The following NUDC variants were observed in gnomAD, a reference collection of about 807,000 sequenced individuals.
The protein encoded by NUDC is nuclear distribution C, dynein complex regulator.
A neutral mutation model predicts 45.0 loss-of-function variants in NUDC; 14 were observed. The observed-to-expected ratio is 0.31, with a 90% CI of 0.21 to 0.49. The LOEUF is 0.49. NUDC is among the 20% of genes least tolerant of loss of function. The pLI, the probability that NUDC is intolerant of heterozygous loss-of-function variation, is 0.99. For synonymous variants in NUDC, 153 were observed against 156.7 expected (o/e 0.98, Z 0.17); for missense variants, 323 against 426.2 (o/e 0.76, Z 2.13).
chr1:26,921,795 A>T lies in NUDC; in HGVS notation c.-54A>T. 1 of 1,522,108 alleles carries T rather than the reference A, an allele frequency of 6.6e-7. No individual in the cohort carries two copies. Among genetic ancestry groups the T allele is most frequent in the Non-Finnish European group, 8.9e-7 (1 of 1,122,432 alleles). The allele number at this position is 1,522,108 out of a possible 1,614,324, so 94.3% of individuals were successfully genotyped here. On this transcript the variant is annotated 5_prime_UTR_variant, in exon 1 of 9. Coordinates refer to ENST00000321265, the MANE Select transcript of NUDC (RefSeq NM_006600.4). ...GGCCCGGCGCGACCCGCAGGAGCGTAGAGAGCGCGGGACTAGAGTGCAGAG... is the reference window on the plus strand; with the variant it reads ...GGCCCGGCGCGACCCGCAGGAGCGTTGAGAGCGCGGGACTAGAGTGCAGAG...
chr1:26,939,192 C>T (rs1362926076), intron 2 of NUDC, among the ~76,000 whole-genome samples: 1 of 152,004 alleles, frequency 6.6e-6, no homozygotes, highest in Non-Finnish European at 1.5e-5. Context: ...CAGGGTTTTA[C>T]CATGTTGGCC....
intron 2 of NUDC, among the ~76,000 whole-genome samples, chr1:26,905,726 G>A (rs1049469633): frequency 6.6e-6 from 1 of 152,184 alleles, no homozygotes; most frequent in Non-Finnish European, 1.5e-5. Context: ...CTTGCTGCAT[G>A]CAGGAAGAGG....
intron 3 of NUDC, among the ~76,000 whole-genome samples, chr1:26,916,600 G>C (rs1173735827): frequency 6.6e-6 from 1 of 152,048 alleles, no homozygotes; most frequent in African/African-American, 2.4e-5. Flanking sequence ...AAAGAGCTCT[G>C]ATTTAATCTT....
At chr1:26,922,151 C>A in intron 1 of NUDC, 1 of 592,974 alleles carries the variant, frequency 1.7e-6, no homozygotes, top group Non-Finnish European at 3.0e-6. Context: ...AGCAAATTAT[C>A]GCATCCCTGA....
At chr1:26,903,677 G>A (rs1046415301) in intron 2 of NUDC, among the ~76,000 whole-genome samples, 23 of 152,136 alleles carry the variant, frequency 1.5e-4, no homozygotes, top group African/African-American at 5.1e-4. Flanking sequence ...AGACCAGCCT[G>A]GGCAACATAG....
intron 1 of NUDC, among the ~76,000 whole-genome samples, chr1:26,923,769 T>C (rs2082109584): frequency 6.6e-6 from 1 of 152,136 alleles, no homozygotes; most frequent in Non-Finnish European, 1.5e-5. Context: ...AGTGTCTTGA[T>C]GGGCTTTTTA....
intron 2 of NUDC, among the ~76,000 whole-genome samples, chr1:26,927,464 C>G (rs2082143898): frequency 1.3e-5 from 2 of 148,822 alleles, no homozygotes; most frequent in East Asian, 3.9e-4. Flanking sequence ...GTGGAGCGAT[C>G]TCAGCTCACT....
intron 2 of NUDC, among the ~76,000 whole-genome samples, chr1:26,904,555 A>G (rs944851129): frequency 6.6e-6 from 1 of 152,224 alleles, no homozygotes; most frequent in Middle Eastern, 3.4e-3. Context: ...CCTCCCCAGT[A>G]GCTGGGATAA....
intron 2 of NUDC, among the ~76,000 whole-genome samples, chr1:26,903,621 G>T (rs1352865156): frequency 1.3e-5 from 2 of 152,062 alleles, no homozygotes; most frequent in Admixed American, 6.6e-5. Flanking sequence ...TAATCCCATC[G>T]CTTTGAGAGG....
chr1:26,927,209 T>TGTG (rs1304475696), intron 2 of NUDC, among the ~76,000 whole-genome samples: 7 of 134,968 alleles, frequency 5.2e-5, no homozygotes, highest in Admixed American at 7.2e-5. Flanking sequence ...TGTCAGGGTC[T>TGTG]TGCTCTGTTG....
chr1:26,944,173 T>C (rs930078965), intron 6 of NUDC, among the ~76,000 whole-genome samples: 9 of 151,834 alleles, frequency 5.9e-5, no homozygotes, highest in Non-Finnish European at 1.3e-4. Flanking sequence ...GGATTACAGG[T>C]GTGAGCCACC....
At chr1:26,909,980 C>T (rs140295967) in intron 2 of NUDC, among the ~76,000 whole-genome samples, 89 of 152,244 alleles carry the variant, frequency 5.8e-4, no homozygotes, top group African/African-American at 2.1e-3. Flanking sequence ...TCCCAAATGC[C>T]AGGCAGAGCA....
At chr1:26,925,128 A>T (rs1168314505) in intron 2 of NUDC, among the ~76,000 whole-genome samples, 1 of 149,614 alleles carries the variant, frequency 6.7e-6, no homozygotes. Flanking sequence ...TGATCCACCC[A>T]CCTCGGCCTC....
chr1:26,946,285 A>G lies in NUDC; in HGVS notation c.*104A>G. The stretch of plus-strand genomic sequence containing the variant: ...GTGGGCCTCAGGGCTTGGGGCAGGC[A>G]TGGGACTGGCCCAGGCACACAGGTC... On this transcript the variant is annotated 3_prime_UTR_variant, in exon 9 of 9. Transcript: ENST00000321265. 1 of 1,022,046 alleles carries G rather than the reference A, an allele frequency of 9.8e-7. No homozygotes were observed. The highest frequency in any genetic ancestry group is 1.6e-6 in the Non-Finnish European group (1 of 644,854). 63.3% of individuals were successfully genotyped at this position (1,022,046 alleles called of 1,614,324 possible).
At chr1:26,901,436 G>T (rs1034231270) in intron 1 of NUDC, among the ~76,000 whole-genome samples, 2 of 125,752 alleles carry the variant, frequency 1.6e-5, no homozygotes, top group African/African-American at 6.3e-5. Context: ...ATGGAGCCTC[G>T]CTCTGTCATC....
intron 2 of NUDC, among the ~76,000 whole-genome samples, chr1:26,936,175 T>A (rs1213415003): frequency 0.016 from 317 of 19,734 alleles, no homozygotes; most frequent in African/African-American, 0.02. Flanking sequence ...ATTTTTTTTT[T>A]TTTTTTTTTT....
chr1:26,920,249 C>T (rs1204480745), upstream of NUDC, among the ~76,000 whole-genome samples: 4 of 151,916 alleles, frequency 2.6e-5, no homozygotes, highest in African/African-American at 2.4e-5. Context: ...TAGCGCGTTG[C>T]GAGGCCGAGG....
At chr1:26,906,685 TAAAAATAC>T (rs942691712) in intron 2 of NUDC, among the ~76,000 whole-genome samples, 1 of 149,760 alleles carries the variant, frequency 6.7e-6, no homozygotes, top group African/African-American at 2.5e-5. Flanking sequence ...CTGTCTCTAC[TAAAAATAC>T]AAAAAATTGG....
intron 7 of NUDC, 38 bp from the exon 8 acceptor site, chr1:26,945,530 C>T: frequency 6.2e-7 from 1 of 1,611,528 alleles, no homozygotes; most frequent in Non-Finnish European, 8.5e-7. Flanking sequence ...CTCGTTGTTT[C>T]CAGAGCTTCA....
Sources: gnomAD v4.1 joint callset for allele counts (sites outside exome capture counted in the v4.1 genomes callset) on GRCh38, gnomAD v4.1.1 for gene constraint, MANE v1.5 for transcripts, NCBI Gene and HGNC (gene_info 2026-07-23, HGNC 2026-07-21) for gene names.